The following PRKAR2B variants were observed in gnomAD, a reference collection of about 807,000 sequenced individuals.
The protein encoded by PRKAR2B is protein kinase cAMP-dependent type II regulatory subunit beta.
PRKAR2B carries 14 observed loss-of-function variants against 49.9 expected under a neutral mutation model. That is an observed-to-expected ratio of 0.28 (90% CI 0.19 to 0.44). PRKAR2B has a LOEUF of 0.44. PRKAR2B is among the 20% of genes least tolerant of loss of function. The probability of loss-of-function intolerance (pLI) is 1.00; values close to 1 mark genes in which losing one functional copy is unlikely to be tolerated. For synonymous variants in PRKAR2B, 196 were observed against 197.7 expected, an observed-to-expected ratio of 0.99 and a Z score of 0.07; for missense variants, 393 against 537.9, an observed-to-expected ratio of 0.73 and a Z score of 2.67.
In PRKAR2B at chr7:107,135,579, T is replaced by C. The variant is rs543331158; in HGVS notation, c.481-5268T>C. Among the ~76,000 whole-genome samples, 18 of 152,186 alleles carry C rather than the reference T, an allele frequency of 1.2e-4. No individual in the cohort carries two copies. The South Asian group carries it at 3.1e-3, about 26-fold the overall frequency. On this transcript the variant is annotated intron_variant, in intron 4 of 10. Transcript: ENST00000265717. ...TAATCACTTTCCTTTATATCAGCAG[T>C]GAACAAGTGGAATTTGAAATTAAAA...
intron 2 of PRKAR2B, among the ~76,000 whole-genome samples, chr7:107,091,477 C>G (rs1794732067): frequency 6.6e-6 from 1 of 152,086 alleles, no homozygotes. Flanking sequence ...AGCACAAGCA[C>G]AAAGGAGCTG....
intron 2 of PRKAR2B, among the ~76,000 whole-genome samples, chr7:107,120,284 A>G (rs1425651596): frequency 6.6e-6 from 1 of 151,800 alleles, no homozygotes; most frequent in Non-Finnish European, 1.5e-5. Flanking sequence ...CATCCCTCTA[A>G]CCCCCTATAG....
chr7:107,160,693 A>G lies in PRKAR2B; in HGVS notation c.*1111A>G, dbSNP rs1326169228. 1 of 152,162 alleles carries G rather than the reference A, an allele frequency of 6.6e-6. No individual in the cohort carries two copies. The highest frequency in any genetic ancestry group is 1.5e-5 in the Non-Finnish European group (1 of 68,026). 9.4% of individuals were successfully genotyped at this position (152,162 alleles called of 1,614,324 possible). On this transcript the variant is annotated 3_prime_UTR_variant, in exon 11 of 11. Coordinates refer to ENST00000265717, the MANE Select transcript of PRKAR2B (RefSeq NM_002736.3). ...TCTAGAGGAATAGAAACAAATTTTT[A>G]TGAGCATAACCCTATATAAAGACAA... is the stretch of plus-strand genomic sequence containing the variant.
At chr7:107,055,131 A>G (rs1793886800) in intron 1 of PRKAR2B, among the ~76,000 whole-genome samples, 1 of 152,208 alleles carries the variant, frequency 6.6e-6, no homozygotes, top group African/African-American at 2.4e-5. Flanking sequence ...GTCCCTGCAA[A>G]GGACATGAAC....
intron 3 of PRKAR2B, among the ~76,000 whole-genome samples, chr7:107,127,390 A>G (rs1795516630): frequency 1.3e-5 from 2 of 152,258 alleles, no homozygotes; most frequent in Admixed American, 6.5e-5. Flanking sequence ...TCATGTTCAC[A>G]AAAGAGTGGA....
At chr7:107,130,445 C>T (rs1354440803) in intron 4 of PRKAR2B, among the ~76,000 whole-genome samples, 1 of 152,000 alleles carries the variant, frequency 6.6e-6, no homozygotes, top group Non-Finnish European at 1.5e-5. Flanking sequence ...GAGGAGTTTG[C>T]AGTGACCTGA....
chr7:107,155,069 C>T (rs1024557033), intron 8 of PRKAR2B, among the ~76,000 whole-genome samples: 39 of 152,120 alleles, frequency 2.6e-4, no homozygotes, highest in Admixed American at 2.5e-3. Context: ...GTGCATGTCT[C>T]GGCACTTCCT....
intron 10 of PRKAR2B, among the ~76,000 whole-genome samples, chr7:107,157,773 T>G (rs183482876): frequency 6.6e-6 from 1 of 152,258 alleles, no homozygotes; most frequent in African/African-American, 2.4e-5. Flanking sequence ...CACAGTCAAA[T>G]GTTCTTTGCT....
intron 2 of PRKAR2B, chr7:107,077,924 G>A (rs758540868): frequency 1.3e-5 from 2 of 152,282 alleles, no homozygotes; most frequent in Non-Finnish European, 2.9e-5. Flanking sequence ...TCTTGAGGCC[G>A]GGCATGGTGG....
intron 3 of PRKAR2B, 68 bp downstream of exon 3, chr7:107,122,072 A>G: frequency 2.7e-6 from 3 of 1,123,632 alleles, no homozygotes; most frequent in Non-Finnish European, 3.8e-6. Context: ...AAATAATCAT[A>G]GAAAAGATTT....
intron 4 of PRKAR2B, among the ~76,000 whole-genome samples, chr7:107,139,792 A>T (rs565742812): frequency 1.3e-5 from 2 of 152,252 alleles, no homozygotes; most frequent in Admixed American, 1.3e-4. Context: ...ATCACATGTG[A>T]TCTGTTATCC....
At chr7:107,080,869 C>A (rs1283210766) in intron 2 of PRKAR2B, among the ~76,000 whole-genome samples, 1 of 152,108 alleles carries the variant, frequency 6.6e-6, no homozygotes, top group Non-Finnish European at 1.5e-5. Flanking sequence ...CCAGGGCAGG[C>A]AGATACAGTT....
chr7:107,099,467 G>A (rs994848046), intron 2 of PRKAR2B, among the ~76,000 whole-genome samples: 2 of 152,104 alleles, frequency 1.3e-5, no homozygotes, highest in African/African-American at 4.8e-5. Flanking sequence ...GTGCTTCCCA[G>A]TTGAGGCGAT....
At chr7:107,149,181 T>C (rs1343920533) in intron 6 of PRKAR2B, among the ~76,000 whole-genome samples, 1 of 152,236 alleles carries the variant, frequency 6.6e-6, no homozygotes, top group African/African-American at 2.4e-5. Context: ...TAGCTTATTC[T>C]GATGCAGAGC....
At chr7:107,070,342 T>C in intron 2 of PRKAR2B, 26 bp downstream of exon 2, 1 of 1,569,458 alleles carries the variant, frequency 6.4e-7, no homozygotes, top group Non-Finnish European at 8.7e-7. Context: ...TTATGGATTT[T>C]GTTTATTAAT....
chr7:107,096,011 G>A (rs574339237), intron 2 of PRKAR2B, among the ~76,000 whole-genome samples: 2 of 152,134 alleles, frequency 1.3e-5, no homozygotes, highest in Non-Finnish European at 2.9e-5. Flanking sequence ...GATGATGCTG[G>A]CCTCATAAAA....
Position 107,044,866 on chromosome 7 carries a change from G to A in PRKAR2B, c.-42G>A, listed in dbSNP as rs1375956479. The A allele has an allele frequency of 1.3e-6, 2 of 1,532,370 alleles. No individual in the cohort carries two copies. The highest frequency in any genetic ancestry group is 1.8e-6 in the Non-Finnish European group (2 of 1,142,488). The allele number at this position is 1,532,370 out of a possible 1,614,324, so 94.9% of individuals were successfully genotyped here. On this transcript the variant is annotated 5_prime_UTR_variant, in exon 1 of 11. Transcript: ENST00000265717. ...GGGGCCCTAGGCCGTGCCGGGGAGG[G>A]GGCGAGGGCGGCGCCCAGGCGCCTG... is the stretch of plus-strand genomic sequence containing the variant.
intron 1 of PRKAR2B, among the ~76,000 whole-genome samples, chr7:107,058,803 C>G (rs1487246486): frequency 1.3e-5 from 2 of 152,142 alleles, no homozygotes; most frequent in Non-Finnish European, 2.9e-5. Flanking sequence ...TTTGGTTGGG[C>G]TGATAGTATC....
At position 107,160,002 on chromosome 7, in the gene PRKAR2B, G is replaced by A. The variant is rs1487846119; in HGVS notation, c.*420G>A. ...GCAATTAAACATGCTACACAGCATG[G>A]CATCACTTTTTTTTATAACTCATTA... On this transcript the variant is annotated 3_prime_UTR_variant, in exon 11 of 11. Transcript: ENST00000265717. The A allele has an allele frequency of 1.3e-5, 2 of 154,542 alleles. No homozygotes were observed. Among genetic ancestry groups the A allele is most frequent in the African/African-American group, 4.8e-5 (2 of 41,488 alleles). The allele number at this position is 154,542 out of a possible 1,614,324, so 9.6% of individuals were successfully genotyped here. A position where few individuals can be genotyped will look rare whatever the true frequency, so the allele number is the denominator to read the frequency against.
Sources: allele counts gnomAD v4.1 joint callset (sites outside exome capture counted in the v4.1 genomes callset), GRCh38; gene constraint gnomAD v4.1.1; transcripts MANE v1.5; gene names NCBI Gene and HGNC (gene_info 2026-07-23, HGNC 2026-07-21).